The following ZRANB3 variants were observed in gnomAD, a reference collection of about 807,000 sequenced individuals.
ZRANB3 encodes zinc finger RANBP2-type containing 3.
Under a neutral mutation model 133.8 loss-of-function variants are expected in ZRANB3, and 125 were observed. That is an observed-to-expected ratio of 0.93 (90% CI 0.81 to 1.08). The LOEUF (loss-of-function observed/expected upper bound fraction) is 1.08. Among genes scored for constraint, ZRANB3 ranks in the 50% least tolerant of loss-of-function variants. The pLI, the probability that ZRANB3 is intolerant of heterozygous loss-of-function variation, is 0.00. For missense variants in ZRANB3, 1,229 were observed against 1,275.5 expected, an observed-to-expected ratio of 0.96 and a Z score of 0.56; for synonymous variants, 387 against 432.7, an observed-to-expected ratio of 0.89 and a Z score of 1.31.
intron 12 of ZRANB3, among the ~76,000 whole-genome samples, chr2:135,257,252 G>A (rs1418187160): frequency 6.6e-6 from 1 of 152,120 alleles, no homozygotes; most frequent in Non-Finnish European, 1.5e-5. Flanking sequence ...ATTCCTTCTT[G>A]CATGAGATCC....
chr2:135,337,382 T>C (rs1646682600), intron 6 of ZRANB3, among the ~76,000 whole-genome samples: 1 of 152,174 alleles, frequency 6.6e-6, no homozygotes, highest in African/African-American at 2.4e-5. Context: ...GGAAAAAGGA[T>C]ACAAAGTCAA....
At position 135,255,845 on chromosome 2, in the gene ZRANB3, A is replaced by G. The variant is rs138456015; in HGVS notation, c.1539+9689T>C. Among the ~76,000 whole-genome samples the G allele has an allele frequency of 8.6e-3, 1,303 of 152,132 alleles. 15 individuals carry two copies. Among genetic ancestry groups the G allele is most frequent in the Middle Eastern group, 0.017 (5 of 294 alleles). On this transcript the variant is annotated intron_variant, in intron 12 of 20. Coordinates refer to ENST00000264159, the MANE Select transcript of ZRANB3 (RefSeq NM_032143.4). Reference sequence around the variant, plus strand: ...GCAATAGAGTGAGAGTCTGTCTCTTAAAAACAAAAACAACCCTCCTCAAAC... The same window carrying G: ...GCAATAGAGTGAGAGTCTGTCTCTTGAAAACAAAAACAACCCTCCTCAAAC...
intron 2 of ZRANB3, among the ~76,000 whole-genome samples, chr2:135,488,366 T>C (rs548394308): frequency 2.6e-5 from 4 of 151,896 alleles, no homozygotes; most frequent in South Asian, 4.2e-4. Context: ...GTTGGAAAAA[T>C]GGTTCTAAAA....
intron 3 of ZRANB3, among the ~76,000 whole-genome samples, chr2:135,372,234 T>C (rs1252442831): frequency 6.6e-6 from 1 of 151,502 alleles, no homozygotes; most frequent in Non-Finnish European, 1.5e-5. Context: ...CCTTCTGCCA[T>C]GTGACACATC....
At chr2:135,212,076 T>A (rs961966041) in intron 17 of ZRANB3, among the ~76,000 whole-genome samples, 1 of 152,236 alleles carries the variant, frequency 6.6e-6, no homozygotes, top group Non-Finnish European at 1.5e-5. Flanking sequence ...TCATCATAGA[T>A]TTTAAAATTT....
At chr2:135,464,720 T>C (rs141261334) in intron 2 of ZRANB3, among the ~76,000 whole-genome samples, 38 of 152,268 alleles carry the variant, frequency 2.5e-4, no homozygotes, top group East Asian at 1.9e-3. Flanking sequence ...AGATCTACAA[T>C]AGGAAAGGCA....
At chr2:135,515,097 C>A (rs947091111) in intron 1 of ZRANB3, among the ~76,000 whole-genome samples, 1 of 151,896 alleles carries the variant, frequency 6.6e-6, no homozygotes, top group African/African-American at 2.4e-5. Flanking sequence ...CAGAAATCAT[C>A]TTTTTTTGTT....
intron 19 of ZRANB3, among the ~76,000 whole-genome samples, chr2:135,203,754 T>C (rs1008626016): frequency 6.6e-6 from 1 of 152,220 alleles, no homozygotes; most frequent in Admixed American, 6.5e-5. Context: ...TTTTATACTA[T>C]TCACCAGAGA....
At chr2:135,341,263 C>T (rs1684647331) in intron 6 of ZRANB3, among the ~76,000 whole-genome samples, 1 of 149,688 alleles carries the variant, frequency 6.7e-6, no homozygotes, top group African/African-American at 2.6e-5. Flanking sequence ...CTCTGGATCT[C>T]GTGATCTGTT....
At chr2:135,377,962 C>T (rs1411489878) in intron 3 of ZRANB3, among the ~76,000 whole-genome samples, 8 of 152,136 alleles carry the variant, frequency 5.3e-5, no homozygotes. Context: ...GAGAGACTGG[C>T]CTAGCCTCCC....
intron 2 of ZRANB3, among the ~76,000 whole-genome samples, chr2:135,485,915 CAAAT>C (rs1692096536): frequency 6.6e-6 from 1 of 152,098 alleles, no homozygotes; most frequent in African/African-American, 2.4e-5. Flanking sequence ...AAGTAAATGA[CAAAT>C]AGGAAACATT....
At chr2:135,273,233 C>T (rs1680626262) in intron 9 of ZRANB3, among the ~76,000 whole-genome samples, 5 of 150,838 alleles carry the variant, frequency 3.3e-5, no homozygotes, top group Non-Finnish European at 7.4e-5. Flanking sequence ...TATTCAACTT[C>T]TAAAAATGAT....
At position 135,265,647 on chromosome 2, in the gene ZRANB3, T is replaced by C. The variant is rs1326584676; in HGVS notation, c.1426A>G (p.Lys476Glu). 3.5e-5 allele frequency: 56 copies of C among 1,613,626 alleles called. No homozygotes were observed. The highest frequency in any genetic ancestry group is 4.6e-5 in the Non-Finnish European group (54 of 1,179,816). The stretch of plus-strand genomic sequence containing the variant: ...TTATCACCTTCCTCAGCCTGAATTT[T>C]TTCTTTCCTACCGTTCAGTGTGCTC... The part of the protein sequence containing the change: ...TGSTLNGRKE[K>E]IQAEEGDKEK... The change falls in exon 12 of 21, where the codon AAA (lysine) becomes GAA (glutamate). Residue 476 changes from lysine (K) to glutamate (E), a missense_variant. Coordinates refer to ENST00000264159, the MANE Select transcript of ZRANB3 (RefSeq NM_032143.4).
At chr2:135,451,493 C>T (rs1005630409) in intron 2 of ZRANB3, among the ~76,000 whole-genome samples, 7 of 151,648 alleles carry the variant, frequency 4.6e-5, no homozygotes, top group South Asian at 4.2e-4. Flanking sequence ...ACCTGGGAGG[C>T]GGAGGTTGCA....
At chr2:135,448,339 T>A (rs1370211694) in intron 2 of ZRANB3, among the ~76,000 whole-genome samples, 1 of 152,200 alleles carries the variant, frequency 6.6e-6, no homozygotes, top group Admixed American at 6.5e-5. Context: ...ATGTTGACAT[T>A]TATCTGAACA....
intron 1 of ZRANB3, chr2:135,510,865 A>C (rs1693420934): frequency 2.5e-6 from 3 of 1,176,936 alleles, no homozygotes; most frequent in Admixed American, 3.4e-5. Flanking sequence ...TAATTTTGAA[A>C]GAAATCTTTA....
intron 1 of ZRANB3, among the ~76,000 whole-genome samples, chr2:135,525,622 C>T (rs192138664): frequency 8.6e-5 from 13 of 151,996 alleles, no homozygotes; most frequent in Non-Finnish European, 1.6e-4. Flanking sequence ...CTGAGGCGGG[C>T]GGATCACCTG....
intron 2 of ZRANB3, among the ~76,000 whole-genome samples, chr2:135,442,434 C>T (rs1689821579): frequency 6.6e-6 from 1 of 152,152 alleles, no homozygotes; most frequent in Non-Finnish European, 1.5e-5. Context: ...AGCCAACAAA[C>T]ATACAAAAAA....
intron 2 of ZRANB3, among the ~76,000 whole-genome samples, chr2:135,417,978 G>T (rs1487084719): frequency 1.3e-5 from 2 of 152,094 alleles, no homozygotes; most frequent in Non-Finnish European, 1.5e-5. Flanking sequence ...GGGAAGCGGG[G>T]AGGGATAGCA....
Sources: allele counts gnomAD v4.1 joint callset (sites outside exome capture counted in the v4.1 genomes callset), GRCh38; gene constraint gnomAD v4.1.1; transcripts MANE v1.5; gene names NCBI Gene and HGNC (gene_info 2026-07-23, HGNC 2026-07-21).